Variants in FRS2 observed in about 807,000 individuals in gnomAD.
FRS2 encodes fibroblast growth factor receptor substrate 2.
Under a neutral mutation model 43.9 loss-of-function variants are expected in FRS2, and 8 were observed. The observed-to-expected ratio is 0.18, with a 90% confidence interval of 0.11 to 0.33. FRS2 has a LOEUF of 0.33. FRS2 is among the 10% of genes least tolerant of loss of function. The pLI is 1.00. For missense variants in FRS2, 534 were observed against 627.6 expected (o/e 0.85, Z 1.59); for synonymous variants, 219 against 220.3 (o/e 0.99, Z 0.05).
intron 1 of FRS2, among the ~76,000 whole-genome samples, chr12:69,508,024 CAAAAAA>C (rs11365179): frequency 1.7e-4 from 8 of 47,598 alleles, no homozygotes; most frequent in Admixed American, 3.5e-4. Flanking sequence ...AACCCCGTCT[CAAAAAA>C]AAAAAAAAAA....
At chr12:69,526,489 T>C (rs1485627755) in intron 1 of FRS2, among the ~76,000 whole-genome samples, 2 of 152,290 alleles carry the variant, frequency 1.3e-5, no homozygotes, top group South Asian at 4.1e-4. Context: ...ATGACACTTA[T>C]AAAATCAGAT....
At chr12:69,486,767 GT>G (rs1321566685) in intron 1 of FRS2, among the ~76,000 whole-genome samples, 1 of 152,186 alleles carries the variant, frequency 6.6e-6, no homozygotes, top group African/African-American at 2.4e-5. Context: ...TATGGAGAAA[GT>G]TTTAATGGCC....
intron 1 of FRS2, among the ~76,000 whole-genome samples, chr12:69,521,534 T>A (rs1445825106): frequency 6.6e-6 from 1 of 152,186 alleles, no homozygotes; most frequent in Non-Finnish European, 1.5e-5. Flanking sequence ...ATGTTGGCTG[T>A]GGGTTTGTCA....
At chr12:69,472,792 T>C (rs1458345215) in intron 1 of FRS2, among the ~76,000 whole-genome samples, 1 of 152,238 alleles carries the variant, frequency 6.6e-6, no homozygotes, top group African/African-American at 2.4e-5. Flanking sequence ...ATTTCTGAAA[T>C]CATGAAGAGT....
intron 4 of FRS2, among the ~76,000 whole-genome samples, chr12:69,566,556 G>A (rs1009924174): frequency 4.3e-4 from 65 of 151,960 alleles, no homozygotes; most frequent in African/African-American, 1.4e-3. Flanking sequence ...GCAGTGAGCC[G>A]AGATCACGCC....
At chr12:69,525,264 A>G (rs560604179) in intron 1 of FRS2, among the ~76,000 whole-genome samples, 12 of 152,206 alleles carry the variant, frequency 7.9e-5, no homozygotes, top group African/African-American at 2.9e-4. Flanking sequence ...TTTTTATACA[A>G]ACCACAAGTA....
intron 1 of FRS2, among the ~76,000 whole-genome samples, chr12:69,513,903 C>A (rs1236033608): frequency 6.6e-6 from 1 of 152,074 alleles, no homozygotes; most frequent in Non-Finnish European, 1.5e-5. Context: ...TGAAATAAAT[C>A]TAAATCTGCC....
chr12:69,476,252 T>TA (rs1242838135), intron 1 of FRS2, among the ~76,000 whole-genome samples: 3 of 152,218 alleles, frequency 2.0e-5, no homozygotes, highest in Non-Finnish European at 4.4e-5. Flanking sequence ...AGTCAATACT[T>TA]ATAACATATT....
chr12:69,501,118 A>G (rs1873401362), intron 1 of FRS2, among the ~76,000 whole-genome samples: 1 of 152,128 alleles, frequency 6.6e-6, no homozygotes, highest in Non-Finnish European at 1.5e-5. Context: ...GATGGTCCCA[A>G]TTTAAGATGA....
chr12:69,498,083 G>A (rs1873077818), intron 1 of FRS2, among the ~76,000 whole-genome samples: 1 of 151,846 alleles, frequency 6.6e-6, no homozygotes. Context: ...ATTTTTTTAT[G>A]TGAGATTTAT....
intron 1 of FRS2, among the ~76,000 whole-genome samples, chr12:69,475,738 C>A (rs1870704811): frequency 6.6e-6 from 1 of 152,062 alleles, no homozygotes; most frequent in Non-Finnish European, 1.5e-5. Context: ...CATTACGTAT[C>A]ATCACTTTCC....
In FRS2 at chr12:69,559,617, A is replaced by G. The variant is rs573239725; in HGVS notation, c.-121-2563A>G. Among the ~76,000 whole-genome samples, 4 of 152,340 alleles carry G rather than the reference A, an allele frequency of 2.6e-5. 1 individual carries two copies. In the South Asian group the frequency reaches 6.2e-4, roughly 24 times the overall value. ...TGTTGCAGATGTCCTTGCTTTTGACATAATGGCTCTGATTTAAGGCAACTA... is the reference window on the plus strand; with the variant it reads ...TGTTGCAGATGTCCTTGCTTTTGACGTAATGGCTCTGATTTAAGGCAACTA... On this transcript the variant is annotated intron_variant, in intron 3 of 8. Transcript: ENST00000549921.
intron 1 of FRS2, among the ~76,000 whole-genome samples, chr12:69,480,752 A>C (rs1871282166): frequency 6.6e-6 from 1 of 152,136 alleles, no homozygotes; most frequent in Non-Finnish European, 1.5e-5. Flanking sequence ...TTATGTTCTC[A>C]ATATTTCTTT....
intron 1 of FRS2, among the ~76,000 whole-genome samples, chr12:69,478,356 G>A (rs1283417627): frequency 6.6e-6 from 1 of 152,010 alleles, no homozygotes; most frequent in East Asian, 1.9e-4. Flanking sequence ...TATAGCTTCT[G>A]AGCACTTAAA....
intron 1 of FRS2, among the ~76,000 whole-genome samples, chr12:69,510,081 C>A (rs1464077001): frequency 6.6e-6 from 1 of 152,128 alleles, no homozygotes; most frequent in African/African-American, 2.4e-5. Flanking sequence ...CAATCTCTAG[C>A]CCCCTCTTTC....
At chr12:69,547,361 T>C (rs1032141685) in intron 3 of FRS2, among the ~76,000 whole-genome samples, 1 of 152,040 alleles carries the variant, frequency 6.6e-6, no homozygotes, top group African/African-American at 2.4e-5. Flanking sequence ...ATTGAGAGGC[T>C]GAGATGAGAG....
intron 1 of FRS2, among the ~76,000 whole-genome samples, chr12:69,482,486 G>A (rs1275573014): frequency 6.6e-6 from 1 of 152,102 alleles, no homozygotes; most frequent in Non-Finnish European, 1.5e-5. Flanking sequence ...TTGAACCTTG[G>A]TTAAAATGTG....
intron 4 of FRS2, among the ~76,000 whole-genome samples, chr12:69,566,355 C>CAAATATG (rs1880294646): frequency 6.6e-6 from 1 of 152,056 alleles, no homozygotes; most frequent in African/African-American, 2.4e-5. Context: ...TCGGGGAGAA[C>CAAATATG]AAATATGTAC....
In FRS2 at chr12:69,576,701, G is replaced by A. The variant is rs953162269; in HGVS notation, c.*1746G>A. On this transcript the variant is annotated 3_prime_UTR_variant, in exon 9 of 9. Coordinates refer to ENST00000549921, the MANE Select transcript of FRS2 (RefSeq NM_001278356.2). ...TTATAAAGAAAATAAATTATTAAAG[G>A]TGTCTTTATCGTTTTAGTGCCATTT... 6.6e-6 allele frequency: 1 copy of A among 152,172 alleles called. No homozygotes were observed. The highest frequency in any genetic ancestry group is 2.1e-4 in the South Asian group (1 of 4,824). The allele number at this position is 152,172 out of a possible 1,614,324, so 9.4% of individuals were successfully genotyped here. A position where few individuals can be genotyped will look rare whatever the true frequency, so the allele number is the denominator to read the frequency against.
Sources: gnomAD v4.1 joint callset for allele counts (sites outside exome capture counted in the v4.1 genomes callset) on GRCh38, gnomAD v4.1.1 for gene constraint, MANE v1.5 for transcripts, NCBI Gene and HGNC (gene_info 2026-07-23, HGNC 2026-07-21) for gene names.